Variants in POLI observed in about 807,000 individuals in gnomAD.
The protein encoded by POLI is RAD30 homolog B.
A neutral mutation model predicts 51.6 loss-of-function variants in POLI; 58 were observed. The ratio of observed to expected loss-of-function variants is 1.12; its 90% CI spans 0.91 to 1.40. The LOEUF (loss-of-function observed/expected upper bound fraction) is 1.40, where lower values mean the gene tolerates loss of function less well. Among genes scored for constraint, POLI ranks in the 40% most tolerant of loss-of-function variants. The pLI is 0.00. For missense variants in POLI, 921 were observed against 871.3 expected (o/e 1.06, Z -0.72); for synonymous variants, 322 against 299.7 (o/e 1.07, Z -0.77).
Position 54,293,956 on chromosome 18 carries a change from T to C in POLI, c.1712T>C (p.Phe571Ser). 8 of 1,612,698 alleles carry C rather than the reference T, an allele frequency of 5.0e-6. No homozygotes were observed. Among genetic ancestry groups the C allele is most frequent in the Non-Finnish European group, 6.8e-6 (8 of 1,178,928 alleles). ...PLHASRGVLS[F>S]FSKKQMQDIP... ...CATGCCTCTAGAGGAGTATTATCTT[T>C]CTTTTCTAAAAAACAAATGCAAGAT... The change falls in exon 10 of 10, where the codon TTC becomes TCC. Residue 571 changes from phenylalanine (F) to serine (S), a missense_variant. Coordinates refer to ENST00000579534, the MANE Select transcript of POLI (RefSeq NM_007195.3).
intron 3 of POLI, among the ~76,000 whole-genome samples, 160 bp downstream of exon 3, chr18:54,274,250 G>T (rs982924954): frequency 2.0e-5 from 3 of 152,032 alleles, no homozygotes; most frequent in African/African-American, 7.2e-5. Flanking sequence ...TATGTGAAAG[G>T]ATAACTGTAT....
At chr18:54,319,637 G>A (rs997260282) in intron 3 of POLI, among the ~76,000 whole-genome samples, 35 of 150,954 alleles carry the variant, frequency 2.3e-4, no homozygotes, top group African/African-American at 7.3e-4. Context: ...AAACCTTTCC[G>A]TTTTGTGGGA....
At chr18:54,306,010 A>T (rs1251223024) in intron 3 of POLI, among the ~76,000 whole-genome samples, 1 of 152,066 alleles carries the variant, frequency 6.6e-6, no homozygotes, top group Non-Finnish European at 1.5e-5. Context: ...CGCCCGCCTC[A>T]GCCTCCCAAA....
chr18:54,306,829 C>A (rs1414652744), intron 3 of POLI, among the ~76,000 whole-genome samples: 3 of 152,112 alleles, frequency 2.0e-5, no homozygotes, highest in Admixed American at 6.5e-5. Flanking sequence ...AGGAATTTAT[C>A]CATTTCTTCT....
intron 3 of POLI, 146 bp downstream of exon 3, chr18:54,274,236 A>G: frequency 2.4e-6 from 1 of 409,078 alleles, no homozygotes; most frequent in Non-Finnish European, 4.3e-6. Context: ...TCAACTTTAA[A>G]AATTATGTGA....
intron 7 of POLI, 104 bp from the exon 8 acceptor site, chr18:54,287,177 T>A (rs1357045150): frequency 4.1e-6 from 3 of 735,540 alleles, no homozygotes; most frequent in South Asian, 1.9e-5. Context: ...TGTATAATTG[T>A]CATATTTAAC....
chr18:54,315,617 T>C (rs1277999727), intron 3 of POLI, among the ~76,000 whole-genome samples: 1 of 152,178 alleles, frequency 6.6e-6, no homozygotes, highest in Non-Finnish European at 1.5e-5. Context: ...GAAGTAGTTG[T>C]TTTATGAATC....
intron 3 of POLI, among the ~76,000 whole-genome samples, chr18:54,315,957 C>T (rs1038599679): frequency 6.6e-6 from 1 of 151,744 alleles, no homozygotes; most frequent in Non-Finnish European, 1.5e-5. Flanking sequence ...CCTTTGTTGC[C>T]TAGACTGGAA....
chr18:54,317,298 G>A (rs908449245), intron 3 of POLI, among the ~76,000 whole-genome samples: 1 of 152,146 alleles, frequency 6.6e-6, no homozygotes, highest in African/African-American at 2.4e-5. Flanking sequence ...CCAGGCATGT[G>A]AGTGAGCTCA....
At chr18:54,320,819 T>C (rs959481931) in intron 4 of POLI, among the ~76,000 whole-genome samples, 1 of 152,134 alleles carries the variant, frequency 6.6e-6, no homozygotes, top group African/African-American at 2.4e-5. Context: ...TATTTTTTTT[T>C]TTAAACTTAT....
intron 3 of POLI, among the ~76,000 whole-genome samples, chr18:54,275,981 AT>A (rs142568896): frequency 8.0e-5 from 12 of 149,190 alleles, no homozygotes; most frequent in East Asian, 5.9e-4. Flanking sequence ...TCTTCAAGGT[AT>A]TTTTTTTTTC....
Position 54,274,061 on chromosome 18 carries a change from G to C in POLI, c.377G>C (p.Arg126Pro), listed in dbSNP as rs759745970. ...LVLVNGEDLT[R>P]YREMSYKVTE... is the part of the protein sequence containing the mutation. ...TTAGTTAATGGAGAAGACCTGACCC[G>C]CTACAGAGAAATGTCTTATAAGGTT... Residue 126 changes from arginine to proline, a missense_variant, in exon 3 of 10, where the codon CGC becomes CCC. Transcript: ENST00000579534. 21 of 1,496,574 alleles carry C rather than the reference G, an allele frequency of 1.4e-5. No individual in the cohort carries two copies. The highest frequency in any genetic ancestry group is 6.4e-5 in the Admixed American group (3 of 46,876). 92.7% of individuals were successfully genotyped at this position (1,496,574 alleles called of 1,614,324 possible).
In POLI at chr18:54,293,970, C is replaced by T; in HGVS notation, c.1726C>T (p.Gln576Ter). The change falls in exon 10 of 10, where the codon CAA (glutamine) becomes TAA (stop). Residue 576 changes from glutamine to a stop codon, truncating the protein, a stop_gained. Transcript: ENST00000579534. LOFTEE classifies it low-confidence loss of function (END_TRUNC). ...AGTATTATCTTTCTTTTCTAAAAAA[C>T]AAATGCAAGATATTCCCATAAATCC... ...RGVLSFFSKK[Q>*]MQDIPINPRD... The T allele has an allele frequency of 6.2e-7, 1 of 1,612,634 alleles. No individual in the cohort carries two copies. Among genetic ancestry groups the T allele is most frequent in the African/African-American group, 1.3e-5 (1 of 75,014 alleles).
At chr18:54,301,034 CTT>C (rs1491481003), downstream of POLI, among the ~76,000 whole-genome samples, 2 of 152,142 alleles carry the variant, frequency 1.3e-5, no homozygotes, top group African/African-American at 4.8e-5. Flanking sequence ...AATCCCAACA[CTT>C]TGGGAGGCCA....
chr18:54,293,844 C>G lies in POLI; in HGVS notation c.1600C>G (p.Gln534Glu). 1.9e-6 allele frequency: 3 copies of G among 1,609,746 alleles called. No homozygotes were observed. The highest frequency in any genetic ancestry group is 2.5e-6 in the Non-Finnish European group (3 of 1,177,122). ...PEGVDQEVFKQLPVDIQEEIL... is the reference protein window; with the variant it reads ...PEGVDQEVFKELPVDIQEEIL... ...AGGTGTTGACCAAGAAGTCTTCAAGCAGCTTCCAGTAGATATTCAAGAAGA... is the reference window on the plus strand; with the variant it reads ...AGGTGTTGACCAAGAAGTCTTCAAGGAGCTTCCAGTAGATATTCAAGAAGA... Residue 534 changes from glutamine to glutamate, a missense_variant, in exon 10 of 10, where the codon CAG becomes GAG. By Grantham distance (29) the Gln-to-Glu change is conservative. Coordinates refer to ENST00000579534, the MANE Select transcript of POLI (RefSeq NM_007195.3).
rs3730692 is a variant in POLI, at chr18:54,271,923, C to A, written c.241+438C>A. Among the ~76,000 whole-genome samples the A allele has an allele frequency of 5.6e-3, 854 of 152,140 alleles. 6 individuals are homozygous for A. Among genetic ancestry groups the A allele is most frequent in the African/African-American group, 0.018 (765 of 41,534 alleles). ...TAACTAGTTGGATTTTGAACATAAACCTAAGTATTATTAAGACAGCAAACT... is the reference window on the plus strand; with the variant it reads ...TAACTAGTTGGATTTTGAACATAAAACTAAGTATTATTAAGACAGCAAACT... On this transcript the variant is annotated intron_variant, in intron 2 of 9. Coordinates refer to ENST00000579534, the MANE Select transcript of POLI (RefSeq NM_007195.3).
At chr18:54,282,262 G>GT (rs1046450537) in intron 5 of POLI, among the ~76,000 whole-genome samples, 2 of 152,038 alleles carry the variant, frequency 1.3e-5, no homozygotes, top group Non-Finnish European at 2.9e-5. Context: ...TTTTGTTTTA[G>GT]TAAGACAGCA....
In POLI at chr18:54,280,741, A is replaced by C. The variant is rs775547733; in HGVS notation, c.634A>C (p.Met212Leu). 1 of 1,613,970 alleles carries C rather than the reference A, an allele frequency of 6.2e-7. No individual in the cohort carries two copies. Among genetic ancestry groups the C allele is most frequent in the Non-Finnish European group, 8.5e-7 (1 of 1,179,826 alleles). The change falls in exon 5 of 10, where the codon ATG (methionine) becomes CTG (leucine). Residue 212 changes from methionine (M) to leucine (L), a missense_variant. Met to Leu is a conservative substitution (Grantham distance 15). Transcript: ENST00000579534. The part of the protein sequence containing the change: ...SQIAAEMREA[M>L]YNQLGLTGCA... ...GATTGCAGCAGAGATGCGGGAAGCC[A>C]TGTATAATCAGTTGGGGCTCACTGG...
At chr18:54,269,943 A>G (rs1164625191) in intron 1 of POLI, 2 of 1,182,382 alleles carry the variant, frequency 1.7e-6, no homozygotes, top group Non-Finnish European at 2.1e-6. Context: ...TGGGGCGGGA[A>G]TCCCTCAGCC....
Sources: allele counts gnomAD v4.1 joint callset (sites outside exome capture counted in the v4.1 genomes callset), GRCh38; gene constraint gnomAD v4.1.1; transcripts MANE v1.5; gene names NCBI Gene and HGNC (gene_info 2026-07-23, HGNC 2026-07-21).